VAV2: variants seen among roughly 807,000 people sequenced by gnomAD.
VAV2 encodes the protein vav guanine nucleotide exchange factor 2, also known as guanine nucleotide exchange factor VAV2.
VAV2 carries 67 observed loss-of-function variants against 132.5 expected under a neutral mutation model. The observed-to-expected ratio is 0.51, with a 90% confidence interval of 0.42 to 0.62. VAV2 has a LOEUF of 0.62. Among genes scored for constraint, VAV2 ranks in the 20% least tolerant of loss-of-function variants. The pLI is 0.00. For missense variants in VAV2, 938 were observed against 1,153.6 expected (o/e 0.81, Z 2.71); for synonymous variants, 492 against 443.5 (o/e 1.11, Z -1.37).
intron 2 of VAV2, among the ~76,000 whole-genome samples, chr9:133,872,274 C>T (rs776668030): frequency 3.9e-4 from 59 of 152,344 alleles, no homozygotes; most frequent in Non-Finnish European, 7.1e-4. Context: ...AAACTGCAAG[C>T]CCTGGCTTCC....
At chr9:133,914,786 AGAGGAGG>A (rs1840010472) in intron 2 of VAV2, among the ~76,000 whole-genome samples, 2 of 43,090 alleles carry the variant, frequency 4.6e-5, no homozygotes, top group African/African-American at 2.3e-4. Flanking sequence ...ACGGGAGGGG[AGAGGAGG>A]AGGAGAGGGG....
At chr9:133,778,265 C>T (rs575355252) in intron 22 of VAV2, among the ~76,000 whole-genome samples, 2 of 152,286 alleles carry the variant, frequency 1.3e-5, no homozygotes, top group South Asian at 4.1e-4. Context: ...GGCTCAGAAC[C>T]ATAAACGACA....
Position 133,786,010 on chromosome 9 carries a change from G to A in VAV2, c.1423-125C>T, listed in dbSNP as rs200589502. On this transcript the variant is annotated intron_variant, in intron 16 of 29. Coordinates refer to ENST00000371850, the MANE Select transcript of VAV2 (RefSeq NM_001134398.2). The stretch of plus-strand genomic sequence containing the variant: ...TATATGCATATGTGCACAGGTGCCT[G>A]TGCCTGTGTGAACACATGTTCTCAC... The A allele has an allele frequency of 1.3e-3, 911 of 702,908 alleles. 7 individuals are homozygous for A. In the African/African-American group the frequency reaches 0.03, roughly 23 times the overall value. The allele number at this position is 702,908 out of a possible 1,614,324, so 43.5% of individuals were successfully genotyped here. A position where few individuals can be genotyped will look rare whatever the true frequency, so the allele number is the denominator to read the frequency against.
chr9:133,974,965 A>G (rs983892549), intron 1 of VAV2, among the ~76,000 whole-genome samples: 3 of 152,190 alleles, frequency 2.0e-5, no homozygotes, highest in Admixed American at 2.0e-4. Flanking sequence ...ACCCTCCTGC[A>G]GGGCCTTCCA....
At chr9:133,956,583 C>A (rs80042775) in intron 1 of VAV2, among the ~76,000 whole-genome samples, 2 of 152,270 alleles carry the variant, frequency 1.3e-5, no homozygotes, top group Admixed American at 6.5e-5. Context: ...ATAAAAAGCA[C>A]GCAGCCAGTT....
intron 1 of VAV2, among the ~76,000 whole-genome samples, chr9:133,954,203 C>T (rs1196515903): frequency 1.3e-5 from 2 of 152,168 alleles, no homozygotes; most frequent in Non-Finnish European, 2.9e-5. Flanking sequence ...TGTTACCATC[C>T]CAGTCATTTC....
chr9:133,786,223 G>A (rs1387547291), intron 16 of VAV2, among the ~76,000 whole-genome samples: 1 of 152,238 alleles, frequency 6.6e-6, no homozygotes, highest in African/African-American at 2.4e-5. Context: ...CTATGCGTGT[G>A]CACCTGTGCA....
rs757770617 is a variant in VAV2, at chr9:133,786,248, GCTC to G, written c.1423-366_1423-364del. Among the ~76,000 whole-genome samples the G allele has an allele frequency of 8.3e-4, 126 of 152,310 alleles. 1 individual carries two copies. In the East Asian group the frequency reaches 0.022, roughly 27 times the overall value. On this transcript the variant is annotated intron_variant, in intron 16 of 29. Transcript: ENST00000371850. ...GCACCTGTGCATGAGTGTGCCCAGT[GCTC>G]CTGTGAGCATGTGCACACACACACT...
At chr9:133,891,267 G>C (rs75387336) in intron 2 of VAV2, among the ~76,000 whole-genome samples, 15,103 of 134,380 alleles carry the variant, frequency 0.11, 1,180 homozygotes, top group South Asian at 0.2. Context: ...GGAGGGATGG[G>C]GGGGAGGGTG....
chr9:133,940,944 G>A (rs1841125256), intron 1 of VAV2, among the ~76,000 whole-genome samples: 1 of 150,688 alleles, frequency 6.6e-6, no homozygotes, highest in Non-Finnish European at 1.5e-5. Flanking sequence ...AAAAAAAACT[G>A]GCCCAGGTTC....
chr9:133,937,831 G>A (rs1840982156), intron 2 of VAV2, among the ~76,000 whole-genome samples: 1 of 152,202 alleles, frequency 6.6e-6, no homozygotes, highest in African/African-American at 2.4e-5. Context: ...GTGCGCTGCT[G>A]CAGGGAGGGG....
intron 3 of VAV2, among the ~76,000 whole-genome samples, chr9:133,846,060 A>G (rs1836921683): frequency 6.6e-6 from 1 of 152,234 alleles, no homozygotes; most frequent in Non-Finnish European, 1.5e-5. Context: ...GGGAAAGGGA[A>G]GGCCTCACAG....
intron 3 of VAV2, among the ~76,000 whole-genome samples, chr9:133,852,279 T>C (rs1303722905): frequency 1.3e-5 from 2 of 151,326 alleles, no homozygotes; most frequent in Non-Finnish European, 2.9e-5. Flanking sequence ...GGTGGAAGGA[T>C]GAAAGAATGG....
chr9:133,846,500 G>A (rs1836940559), intron 3 of VAV2, among the ~76,000 whole-genome samples: 1 of 152,206 alleles, frequency 6.6e-6, no homozygotes. Flanking sequence ...CCACTGCCCT[G>A]CTGGAACCCC....
chr9:133,942,987 T>C (rs1164700784), intron 1 of VAV2, among the ~76,000 whole-genome samples: 1 of 152,230 alleles, frequency 6.6e-6, no homozygotes, highest in Non-Finnish European at 1.5e-5. Context: ...CAGGGAGCAT[T>C]TCCTGTGCTT....
chr9:133,948,983 G>C (rs1487693356), intron 1 of VAV2, among the ~76,000 whole-genome samples: 1 of 152,174 alleles, frequency 6.6e-6, no homozygotes, highest in Non-Finnish European at 1.5e-5. Context: ...CTGGGAGGAG[G>C]GAGGGTCCCG....
At chr9:133,896,187 G>T (rs1839195328) in intron 2 of VAV2, among the ~76,000 whole-genome samples, 1 of 152,226 alleles carries the variant, frequency 6.6e-6, no homozygotes, top group African/African-American at 2.4e-5. Context: ...GGGCGCAGTG[G>T]CTTACGCCTA....
At chr9:133,828,378 C>T (rs80098954) in intron 4 of VAV2, among the ~76,000 whole-genome samples, 42 of 3,146 alleles carry the variant, frequency 0.013, 5 homozygotes, top group South Asian at 0.087. Flanking sequence ...CCTACCGCTG[C>T]GCCCACTGGG....
At chr9:133,849,122 G>C (rs1237159718) in intron 3 of VAV2, among the ~76,000 whole-genome samples, 1 of 152,088 alleles carries the variant, frequency 6.6e-6, no homozygotes, top group Non-Finnish European at 1.5e-5. Context: ...AACCATCTTC[G>C]CTCCCTAAAG....
Sources: gnomAD v4.1 joint callset for allele counts (sites outside exome capture counted in the v4.1 genomes callset) on GRCh38, gnomAD v4.1.1 for gene constraint, MANE v1.5 for transcripts, NCBI Gene and HGNC (gene_info 2026-07-23, HGNC 2026-07-21) for gene names.